ABHD17C: variants seen among roughly 807,000 people sequenced by gnomAD.
The protein encoded by ABHD17C is abhydrolase domain containing 17C, depalmitoylase, also known as alpha/beta hydrolase domain-containing protein 17C.
In ABHD17C, 11 loss-of-function variants were observed where a neutral mutation model predicts 27.9. The observed-to-expected ratio is 0.39, with a 90% confidence interval of 0.25 to 0.65. ABHD17C has a LOEUF of 0.65. Ranked by LOEUF, ABHD17C falls within the 30% of genes least tolerant of loss-of-function variation. The pLI is 0.45. For missense variants in ABHD17C, 280 were observed against 470.2 expected, an observed-to-expected ratio of 0.60 and a Z score of 3.74; for synonymous variants, 233 against 209.1, an observed-to-expected ratio of 1.11 and a Z score of -0.98.
intron 1 of ABHD17C, chr15:80,704,916 G>A (rs1164683616): frequency 1.3e-5 from 2 of 152,222 alleles, no homozygotes; most frequent in East Asian, 1.9e-4. Context: ...AAGCCTGAAA[G>A]TGAAAGGCTA....
chr15:80,711,594 T>G (rs1894729715), intron 1 of ABHD17C, among the ~76,000 whole-genome samples: 1 of 152,210 alleles, frequency 6.6e-6, no homozygotes, highest in Non-Finnish European at 1.5e-5. Flanking sequence ...GTTTCTTGAT[T>G]TGTAAAATGT....
chr15:80,719,856 A>G (rs1325760672), intron 1 of ABHD17C, among the ~76,000 whole-genome samples: 2 of 152,156 alleles, frequency 1.3e-5, no homozygotes, highest in Admixed American at 1.3e-4. Context: ...GGAGTGCAGT[A>G]GTGTGATCTC....
At chr15:80,753,292 A>G (rs1336063044) in intron 2 of ABHD17C, among the ~76,000 whole-genome samples, 1 of 152,190 alleles carries the variant, frequency 6.6e-6, no homozygotes, top group Non-Finnish European at 1.5e-5. Context: ...TGTCTTTAAT[A>G]AAATACTTCA....
chr15:80,739,398 A>G (rs994110387), intron 1 of ABHD17C, among the ~76,000 whole-genome samples: 2 of 151,932 alleles, frequency 1.3e-5, no homozygotes, highest in East Asian at 3.8e-4. Context: ...TTTGCCCTTG[A>G]TATGGTTTAG....
chr15:80,728,199 C>T (rs997667717), intron 1 of ABHD17C, among the ~76,000 whole-genome samples: 3 of 152,150 alleles, frequency 2.0e-5, no homozygotes, highest in South Asian at 2.1e-4. Flanking sequence ...TTGTGTGCCA[C>T]GTGCCTTCTA....
intron 1 of ABHD17C, among the ~76,000 whole-genome samples, chr15:80,732,182 C>T (rs1010732659): frequency 3.9e-5 from 6 of 152,174 alleles, no homozygotes; most frequent in African/African-American, 9.7e-5. Flanking sequence ...ATTTTACACA[C>T]GAGAGAACGG....
At chr15:80,700,912 C>G (rs924261215) in intron 1 of ABHD17C, among the ~76,000 whole-genome samples, 4 of 148,664 alleles carry the variant, frequency 2.7e-5, no homozygotes, top group African/African-American at 9.7e-5. Context: ...AAAAACAAAA[C>G]AAACAAAAAA....
At chr15:80,743,424 G>T (rs940378624) in intron 1 of ABHD17C, among the ~76,000 whole-genome samples, 30 of 152,054 alleles carry the variant, frequency 2.0e-4, no homozygotes, top group African/African-American at 6.8e-4. Context: ...CTGTGTGTAG[G>T]CCCTGCTGCG....
intron 1 of ABHD17C, among the ~76,000 whole-genome samples, chr15:80,715,051 G>A (rs1410722379): frequency 6.6e-6 from 1 of 152,142 alleles, no homozygotes; most frequent in Non-Finnish European, 1.5e-5. Context: ...AAAGTGCTGG[G>A]ATTACAGGCG....
At chr15:80,719,802 C>G (rs1894866221) in intron 1 of ABHD17C, among the ~76,000 whole-genome samples, 1 of 152,076 alleles carries the variant, frequency 6.6e-6, no homozygotes, top group East Asian at 1.9e-4. Context: ...ATCACCTTTT[C>G]TTTTTGTTTT....
chr15:80,712,270 G>A (rs2141496420), intron 1 of ABHD17C, among the ~76,000 whole-genome samples: 1 of 152,318 alleles, frequency 6.6e-6, no homozygotes, highest in Admixed American at 6.5e-5. Context: ...ACTGTAAGAG[G>A]TAGGATTTGT....
At chr15:80,746,225 C>T (rs1484648654) in intron 1 of ABHD17C, among the ~76,000 whole-genome samples, 2 of 151,492 alleles carry the variant, frequency 1.3e-5, no homozygotes, top group Non-Finnish European at 2.9e-5. Flanking sequence ...TTCTCTTTCT[C>T]TGTCTTTCCC....
intron 1 of ABHD17C, among the ~76,000 whole-genome samples, chr15:80,731,266 G>T (rs970958123): frequency 6.6e-6 from 1 of 152,146 alleles, no homozygotes; most frequent in African/African-American, 2.4e-5. Flanking sequence ...CAAATGAAAG[G>T]TACTGCTAAA....
At chr15:80,750,879 GT>G (rs879777691) in intron 2 of ABHD17C, among the ~76,000 whole-genome samples, 64 of 146,626 alleles carry the variant, frequency 4.4e-4, no homozygotes, top group South Asian at 6.5e-4. Flanking sequence ...AAAACTAATA[GT>G]TTTTTTTTTT....
At chr15:80,739,650 A>G (rs937107863) in intron 1 of ABHD17C, among the ~76,000 whole-genome samples, 6 of 152,158 alleles carry the variant, frequency 3.9e-5, no homozygotes, top group Non-Finnish European at 8.8e-5. Flanking sequence ...TTCACCATCC[A>G]TGAGAAAGGC....
chr15:80,713,980 G>T (rs1894768643), intron 1 of ABHD17C, among the ~76,000 whole-genome samples: 2 of 150,864 alleles, frequency 1.3e-5, no homozygotes, highest in South Asian at 4.2e-4. Context: ...CTGAGACATG[G>T]TCTTGCTCTG....
At chr15:80,705,029 C>G (rs1422965571) in intron 1 of ABHD17C, 3 of 152,334 alleles carry the variant, frequency 2.0e-5, no homozygotes, top group African/African-American at 7.2e-5. Context: ...GAGAAGTGAT[C>G]TGTGGTGTGG....
At chr15:80,712,474 A>G (rs1278167071) in intron 1 of ABHD17C, among the ~76,000 whole-genome samples, 1 of 152,226 alleles carries the variant, frequency 6.6e-6, no homozygotes, top group East Asian at 1.9e-4. Context: ...ACAGCCTGCC[A>G]TCGATCCTTC....
At chr15:80,745,409 G>A (rs1187446785) in intron 1 of ABHD17C, among the ~76,000 whole-genome samples, 2 of 150,980 alleles carry the variant, frequency 1.3e-5, no homozygotes, top group East Asian at 1.9e-4. Flanking sequence ...TTTTTTAAGA[G>A]GGTCACCCAG....
Sources: gnomAD v4.1 joint callset for allele counts (sites outside exome capture counted in the v4.1 genomes callset) on GRCh38, gnomAD v4.1.1 for gene constraint, MANE v1.5 for transcripts, NCBI Gene and HGNC (gene_info 2026-07-23, HGNC 2026-07-21) for gene names.